NTRK2: variants seen among roughly 807,000 people sequenced by gnomAD.
The protein encoded by NTRK2 is BDNF/NT-3 growth factors receptor.
In NTRK2, 13 loss-of-function variants were observed where a neutral mutation model predicts 94.5. The ratio of observed to expected loss-of-function variants is 0.14; its 90% CI spans 0.09 to 0.22. The LOEUF (loss-of-function observed/expected upper bound fraction) is 0.22. Ranked by LOEUF, NTRK2 falls within the 10% of genes least tolerant of loss-of-function variation. The pLI is 1.00. For synonymous variants in NTRK2, 372 were observed against 407.4 expected (o/e 0.91, Z 1.05); for missense variants, 639 against 1,071.2 (o/e 0.60, Z 5.63).
chr9:84,936,670 G>A (rs2078223124), intron 15 of NTRK2, among the ~76,000 whole-genome samples: 1 of 152,036 alleles, frequency 6.6e-6, no homozygotes, highest in African/African-American at 2.4e-5. Context: ...TTAAAAAAAA[G>A]GAAAAACAAG....
chr9:84,800,226 G>A (rs559951843), intron 12 of NTRK2, among the ~76,000 whole-genome samples: 2 of 142,312 alleles, frequency 1.4e-5, no homozygotes, highest in South Asian at 2.3e-4. Context: ...TTTTTGAGAT[G>A]GAGTCTCGCT....
In NTRK2 at chr9:84,802,339, A is replaced by C. The variant is rs111290144; in HGVS notation, c.1396+50254A>C. On this transcript the variant is annotated intron_variant, in intron 12 of 18. Transcript: ENST00000277120. ...TAGAAATTTATGCCCTTTACAATCCAGGGTTTTCCTCATATATAAATTCCA... is the reference window on the plus strand; with the variant it reads ...TAGAAATTTATGCCCTTTACAATCCCGGGTTTTCCTCATATATAAATTCCA... Among the ~76,000 whole-genome samples the C allele has an allele frequency of 1.9e-3, 284 of 152,328 alleles. 1 individual carries two copies. The highest frequency in any genetic ancestry group is 6.2e-3 in the African/African-American group (258 of 41,568).
intron 12 of NTRK2, among the ~76,000 whole-genome samples, chr9:84,831,891 A>C (rs1340699351): frequency 6.6e-6 from 1 of 152,136 alleles, no homozygotes; most frequent in Non-Finnish European, 1.5e-5. Flanking sequence ...AGTAAGATAA[A>C]CCTCTAAAAA....
chr9:85,018,588 C>T (rs140611289), intron 17 of NTRK2, among the ~76,000 whole-genome samples: 22 of 152,194 alleles, frequency 1.4e-4, no homozygotes, highest in Non-Finnish European at 2.6e-4. Context: ...GATTCCCTCT[C>T]CCAAAGTCCT....
chr9:84,746,530 T>C (rs1367455855), intron 11 of NTRK2, among the ~76,000 whole-genome samples: 2 of 152,178 alleles, frequency 1.3e-5, no homozygotes, highest in African/African-American at 4.8e-5. Flanking sequence ...AGATCATTTT[T>C]TTTGTTGTTA....
chr9:84,757,178 C>T (rs780853467), intron 12 of NTRK2, among the ~76,000 whole-genome samples: 29 of 151,844 alleles, frequency 1.9e-4, no homozygotes, highest in Non-Finnish European at 3.5e-4. Context: ...AGAAAAATGC[C>T]GTCGAAAAAT....
intron 17 of NTRK2, among the ~76,000 whole-genome samples, chr9:85,011,588 G>A (rs1358976128): frequency 6.6e-6 from 1 of 152,178 alleles, no homozygotes; most frequent in Admixed American, 6.5e-5. Context: ...GGCAAAGCAA[G>A]AAAGCAACCA....
At chr9:84,849,121 T>TTACAGAAAAAGATAACCCTTAAAACAG (rs1373161667) in intron 12 of NTRK2, among the ~76,000 whole-genome samples, 3 of 152,156 alleles carry the variant, frequency 2.0e-5, no homozygotes, top group Admixed American at 2.0e-4. Context: ...AACTTCACTA[T>TTACAGAAAAAGATAACCCTTAAAACAG]TACAGAAAAA....
At chr9:84,940,685 A>G (rs887337565) in intron 15 of NTRK2, among the ~76,000 whole-genome samples, 4 of 152,128 alleles carry the variant, frequency 2.6e-5, no homozygotes, top group Non-Finnish European at 5.9e-5. Context: ...ATACAAGAGC[A>G]GTATAAGGGC....
chr9:85,021,317 T>C lies in NTRK2; in HGVS notation c.2397T>C (p.Tyr799=), dbSNP rs1832766692. 1 of 1,612,764 alleles carries C rather than the reference T, an allele frequency of 6.2e-7. No individual in the cohort carries two copies. The highest frequency in any genetic ancestry group is 8.5e-7 in the Non-Finnish European group (1 of 1,178,846). Residue 799 remains tyrosine (Y), a synonymous_variant, in exon 19 of 19, where the codon TAT becomes TAC. Transcript: ENST00000277120. The stretch of plus-strand genomic sequence containing the variant: ...CCCGCACGTGCCCCCAGGAGGTGTA[T>C]GAGCTGATGCTGGGGTGCTGGCAGC... ...QRPRTCPQEV[Y]ELMLGCWQRE... is the part of the protein sequence containing the mutation.
chr9:85,025,067 G>C lies in NTRK2; in HGVS notation c.*3630G>C, dbSNP rs994001060. 8.6e-6 allele frequency: 2 copies of C among 232,988 alleles called. No homozygotes were observed. Among genetic ancestry groups the C allele is most frequent in the Non-Finnish European group, 1.7e-5 (2 of 117,964 alleles). The allele number at this position is 232,988 out of a possible 1,614,324, so 14.4% of individuals were successfully genotyped here. A position where few individuals can be genotyped will look rare whatever the true frequency, so the allele number is the denominator to read the frequency against. Reference sequence around the variant, plus strand: ...TAAAATATGCTAAATAACCAAAACTGTTTAACGTCATGTTGCTGTTAGTGC... The same window carrying C: ...TAAAATATGCTAAATAACCAAAACTCTTTAACGTCATGTTGCTGTTAGTGC... On this transcript the variant is annotated 3_prime_UTR_variant, in exon 19 of 19. Coordinates refer to ENST00000277120, the MANE Select transcript of NTRK2 (RefSeq NM_006180.6).
intron 15 of NTRK2, among the ~76,000 whole-genome samples, chr9:84,937,121 T>C (rs1731424701): frequency 6.6e-6 from 1 of 152,164 alleles, no homozygotes; most frequent in Non-Finnish European, 1.5e-5. Flanking sequence ...CAAAGGAGCC[T>C]GGGAAGAAAA....
intron 14 of NTRK2, among the ~76,000 whole-genome samples, chr9:84,888,616 A>G (rs1211488759): frequency 3.1e-5 from 2 of 64,662 alleles, no homozygotes; most frequent in Non-Finnish European, 7.1e-5. Context: ...CATCTCAAAA[A>G]AAAAAAAAAA....
intron 13 of NTRK2, among the ~76,000 whole-genome samples, chr9:84,866,536 C>T (rs993905511): frequency 6.6e-6 from 1 of 152,080 alleles, no homozygotes; most frequent in Admixed American, 6.6e-5. Context: ...ACAGAGTGTT[C>T]TAGAGACAAT....
chr9:85,001,491 C>A (rs1830339071), intron 17 of NTRK2, among the ~76,000 whole-genome samples: 1 of 152,198 alleles, frequency 6.6e-6, no homozygotes, highest in Non-Finnish European at 1.5e-5. Context: ...TAAACAGAAG[C>A]TCAAATGCAC....
At chr9:84,829,453 A>G (rs1219622933) in intron 12 of NTRK2, among the ~76,000 whole-genome samples, 3 of 152,168 alleles carry the variant, frequency 2.0e-5, no homozygotes, top group Non-Finnish European at 4.4e-5. Context: ...GGACTCCTAG[A>G]TTTGGTTTCT....
rs79828196 is a variant in NTRK2, at chr9:84,670,492, C to A, written c.-257C>A. ...CGCCGGGCCATGCAGCGACGGCCGC[C>A]GCGGAGCTCCGAGCAGCGGTAGCGC... On this transcript the variant is annotated 5_prime_UTR_variant, in exon 2 of 19. Transcript: ENST00000277120. 282 of 533,138 alleles carry A rather than the reference C, an allele frequency of 5.3e-4. 2 individuals carry two copies. The East Asian group carries it at 8.5e-3, about 16-fold the overall frequency. The allele number at this position is 533,138 out of a possible 1,614,324, so 33.0% of individuals were successfully genotyped here. A position where few individuals can be genotyped will look rare whatever the true frequency, so the allele number is the denominator to read the frequency against.
intron 18 of NTRK2, 91 bp downstream of exon 18, chr9:85,020,455 G>A (rs1564557913): frequency 7.5e-7 from 1 of 1,327,630 alleles, no homozygotes; most frequent in Non-Finnish European, 1.1e-6. Context: ...GGAAGACCAT[G>A]TCAGGACACG....
At chr9:84,752,810 T>C (rs966248068) in intron 12 of NTRK2, among the ~76,000 whole-genome samples, 2 of 152,238 alleles carry the variant, frequency 1.3e-5, no homozygotes, top group African/African-American at 2.4e-5. Context: ...TTTAAACTTA[T>C]GTATTGGATA....
Sources: allele counts gnomAD v4.1 joint callset (sites outside exome capture counted in the v4.1 genomes callset), GRCh38; gene constraint gnomAD v4.1.1; transcripts MANE v1.5; gene names NCBI Gene and HGNC (gene_info 2026-07-23, HGNC 2026-07-21).